The following MAGI2 variants were observed in gnomAD, a reference collection of about 807,000 sequenced individuals.
MAGI2 encodes the protein membrane-associated guanylate kinase, WW and PDZ domain-containing protein 2.
Under a neutral mutation model 133.3 loss-of-function variants are expected in MAGI2, and 35 were observed. The observed-to-expected ratio is 0.26, with a 90% confidence interval of 0.20 to 0.35. The LOEUF (loss-of-function observed/expected upper bound fraction) is 0.35, where lower values mean the gene tolerates loss of function less well. Among genes scored for constraint, MAGI2 ranks in the 10% least tolerant of loss-of-function variants. MAGI2 has a pLI of 1.00. For missense variants in MAGI2, 1,636 were observed against 1,863.4 expected (o/e 0.88, Z 2.25); for synonymous variants, 729 against 710.6 (o/e 1.03, Z -0.41).
intron 1 of MAGI2, among the ~76,000 whole-genome samples, chr7:79,249,089 C>T (rs148959218): frequency 0.013 from 1,931 of 152,154 alleles, 38 homozygotes; most frequent in African/African-American, 0.044. Flanking sequence ...TTCTCAAACT[C>T]CTGACCTCAG....
chr7:78,624,749 G>T lies in MAGI2; in HGVS notation c.538+2371C>A, dbSNP rs549829834. ...TCTGTGCAGCAAACCACTATGGCAC[G>T]TATTTACCTACGTAACTTAAAAGTC... On this transcript the variant is annotated intron_variant, in intron 3 of 21. Transcript: ENST00000354212. 7.9e-5 allele frequency among the ~76,000 whole-genome samples: 12 copies of T among 152,024 alleles called. No individual in the cohort carries two copies. In the South Asian group the frequency reaches 2.5e-3, roughly 32 times the overall value.
chr7:78,182,833 G>A (rs1195839273), intron 13 of MAGI2, among the ~76,000 whole-genome samples: 1 of 152,094 alleles, frequency 6.6e-6, no homozygotes, highest in African/African-American at 2.4e-5. Context: ...TCTTATTTTT[G>A]GGTGGAGTTG....
chr7:79,250,348 C>CAAAAAAAAAAAA (rs61147108), intron 1 of MAGI2, among the ~76,000 whole-genome samples: 1 of 130,524 alleles, frequency 7.7e-6, no homozygotes, highest in Non-Finnish European at 1.6e-5. Context: ...ATGACTCTAC[C>CAAAAAAAAAAAA]AAAAAAAAAA....
intron 6 of MAGI2, among the ~76,000 whole-genome samples, chr7:78,436,202 G>A (rs1015633086): frequency 7.2e-5 from 11 of 152,158 alleles, no homozygotes; most frequent in Non-Finnish European, 5.9e-5. Context: ...TGGAGAGGAA[G>A]GCCCTGCTTT....
chr7:78,191,227 C>CTT (rs35266347), intron 12 of MAGI2, among the ~76,000 whole-genome samples: 2 of 144,350 alleles, frequency 1.4e-5, no homozygotes, highest in African/African-American at 2.5e-5. Context: ...GGAAATAATT[C>CTT]TTTTTTTTTT....
intron 2 of MAGI2, among the ~76,000 whole-genome samples, chr7:78,765,600 G>C (rs376052274): frequency 2.6e-5 from 4 of 151,888 alleles, no homozygotes; most frequent in African/African-American, 9.7e-5. Context: ...GCCCACCTCG[G>C]CCTCTCAAAG....
chr7:78,127,509 C>T, intron 18 of MAGI2, 93 bp from the exon 19 acceptor site: 1 of 836,422 alleles, frequency 1.2e-6, no homozygotes, highest in Non-Finnish European at 1.9e-6. Context: ...CCAGCCATGA[C>T]AGCTCACACA....
intron 1 of MAGI2, among the ~76,000 whole-genome samples, chr7:79,288,960 G>A (rs1487878558): frequency 6.6e-6 from 1 of 152,066 alleles, no homozygotes; most frequent in Non-Finnish European, 1.5e-5. Flanking sequence ...CTCTGGCACA[G>A]ACCAATTTAT....
chr7:78,635,861 A>G (rs961605497), intron 2 of MAGI2, among the ~76,000 whole-genome samples: 13 of 152,240 alleles, frequency 8.5e-5, no homozygotes, highest in African/African-American at 3.1e-4. Context: ...ATCAATTTTT[A>G]CACAACCAGC....
chr7:79,356,483 A>T (rs1004024909), intron 1 of MAGI2, among the ~76,000 whole-genome samples: 16 of 152,310 alleles, frequency 1.1e-4, no homozygotes, highest in African/African-American at 2.2e-4. Flanking sequence ...AAGCAAAAAA[A>T]GTTTCCAAAT....
intron 2 of MAGI2, among the ~76,000 whole-genome samples, chr7:78,736,082 CAA>C (rs887994401): frequency 1.3e-5 from 2 of 152,074 alleles, no homozygotes; most frequent in Non-Finnish European, 2.9e-5. Context: ...TGAATAAGCA[CAA>C]AGAGAGATAA....
At chr7:78,620,970 T>G (rs540253416) in intron 3 of MAGI2, among the ~76,000 whole-genome samples, 33 of 152,078 alleles carry the variant, frequency 2.2e-4, no homozygotes, top group African/African-American at 7.7e-4. Context: ...TAGTTAATGA[T>G]GACATTCAGA....
intron 9 of MAGI2, among the ~76,000 whole-genome samples, chr7:78,294,938 A>G (rs1385770060): frequency 6.6e-6 from 1 of 152,000 alleles, no homozygotes; most frequent in Admixed American, 6.6e-5. Flanking sequence ...GCTGCATGAT[A>G]TGTTACCATT....
At chr7:78,689,270 C>T (rs1227870299) in intron 2 of MAGI2, among the ~76,000 whole-genome samples, 4 of 152,204 alleles carry the variant, frequency 2.6e-5, no homozygotes, top group East Asian at 1.9e-4. Flanking sequence ...AACCACAGTA[C>T]AACACCTAAT....
At chr7:79,329,867 T>C (rs1478478828) in intron 1 of MAGI2, among the ~76,000 whole-genome samples, 3 of 152,190 alleles carry the variant, frequency 2.0e-5, no homozygotes, top group Admixed American at 1.3e-4. Context: ...AAAACCAAGA[T>C]AGAAGGTCAT....
At chr7:78,730,010 C>T (rs1381730731) in intron 2 of MAGI2, among the ~76,000 whole-genome samples, 1 of 152,078 alleles carries the variant, frequency 6.6e-6, no homozygotes, top group Non-Finnish European at 1.5e-5. Flanking sequence ...GGATGCACAG[C>T]CAGGCAAGCA....
intron 1 of MAGI2, among the ~76,000 whole-genome samples, chr7:79,394,757 T>C (rs914862158): frequency 6.6e-6 from 1 of 152,234 alleles, no homozygotes; most frequent in Non-Finnish European, 1.5e-5. Flanking sequence ...TTTAATGACA[T>C]TATTTGTTTT....
At chr7:78,747,514 G>A (rs1471910750) in intron 2 of MAGI2, among the ~76,000 whole-genome samples, 1 of 151,502 alleles carries the variant, frequency 6.6e-6, no homozygotes, top group African/African-American at 2.4e-5. Flanking sequence ...AAGCATAGTC[G>A]ACTAAACCAG....
At chr7:78,302,722 T>C (rs1797935471) in intron 9 of MAGI2, among the ~76,000 whole-genome samples, 1 of 152,178 alleles carries the variant, frequency 6.6e-6, no homozygotes, top group Admixed American at 6.5e-5. Context: ...CTCAGTGATA[T>C]CGAATAGGCA....
Sources: gnomAD v4.1 joint callset for allele counts (sites outside exome capture counted in the v4.1 genomes callset) on GRCh38, gnomAD v4.1.1 for gene constraint, MANE v1.5 for transcripts, NCBI Gene and HGNC (gene_info 2026-07-23, HGNC 2026-07-21) for gene names.